The following CMIP variants were observed in gnomAD, a reference collection of about 807,000 sequenced individuals.
The protein encoded by CMIP is C-Maf-inducing protein.
CMIP carries 13 observed loss-of-function variants against 97.3 expected under a neutral mutation model. The ratio of observed to expected loss-of-function variants is 0.13; its 90% CI spans 0.09 to 0.21. CMIP has a LOEUF of 0.21. Ranked by LOEUF, CMIP falls within the 10% of genes least tolerant of loss-of-function variation. The pLI is 1.00. For missense variants in CMIP, 847 were observed against 1,024.9 expected, an observed-to-expected ratio of 0.83 and a Z score of 2.37; for synonymous variants, 538 against 436.3, an observed-to-expected ratio of 1.23 and a Z score of -2.91.
chr16:81,570,354 G>C (rs1256748427), intron 1 of CMIP, among the ~76,000 whole-genome samples: 1 of 152,184 alleles, frequency 6.6e-6, no homozygotes, highest in Admixed American at 6.5e-5. Flanking sequence ...GATGGCTGTC[G>C]TGGGGCCAGT....
intron 1 of CMIP, among the ~76,000 whole-genome samples, chr16:81,529,168 G>A (rs963906439): frequency 1.3e-5 from 2 of 152,234 alleles, no homozygotes; most frequent in Admixed American, 1.3e-4. Context: ...GGGAAGAAGA[G>A]AGAGGTCTCT....
chr16:81,548,148 T>A (rs2150850684), intron 1 of CMIP, among the ~76,000 whole-genome samples: 1 of 150,754 alleles, frequency 6.6e-6, no homozygotes, highest in Admixed American at 6.6e-5. Flanking sequence ...TTTTTTTTTT[T>A]TTTGAGACAG....
At chr16:81,654,233 T>TATA (rs1209818119) in intron 4 of CMIP, among the ~76,000 whole-genome samples, 25 of 151,284 alleles carry the variant, frequency 1.7e-4, no homozygotes, top group African/African-American at 6.1e-4. Context: ...CCTTGGGCTT[T>TATA]ATTATTATTA....
intron 1 of CMIP, among the ~76,000 whole-genome samples, chr16:81,565,762 G>A (rs2966116): frequency 0.77 from 117,717 of 152,086 alleles, 46,028 homozygotes; most frequent in Non-Finnish European, 0.84. Flanking sequence ...TGACTCATTC[G>A]TGCTGTCATT....
intron 3 of CMIP, chr16:81,630,146 C>G (rs1217090009): frequency 6.6e-6 from 1 of 152,238 alleles, no homozygotes; most frequent in African/African-American, 2.4e-5. Flanking sequence ...AAACCAAGCT[C>G]ACCAGTTTCT....
chr16:81,510,606 A>G (rs2089792387), intron 1 of CMIP, among the ~76,000 whole-genome samples: 1 of 152,170 alleles, frequency 6.6e-6, no homozygotes, highest in East Asian at 1.9e-4. Flanking sequence ...TCTTTTCAAA[A>G]TTACACTTCA....
intron 1 of CMIP, among the ~76,000 whole-genome samples, chr16:81,452,256 A>G (rs1490319877): frequency 6.6e-6 from 1 of 152,202 alleles, no homozygotes; most frequent in Non-Finnish European, 1.5e-5. Context: ...CTGCCTCTGC[A>G]GTGTCCCAGG....
intron 1 of CMIP, among the ~76,000 whole-genome samples, chr16:81,484,490 AT>A (rs2089284627): frequency 6.6e-6 from 1 of 152,124 alleles, no homozygotes; most frequent in Non-Finnish European, 1.5e-5. Flanking sequence ...GTGGAGAACG[AT>A]CACCTGGCTG....
chr16:81,703,032 G>A (rs754864368), intron 17 of CMIP, among the ~76,000 whole-genome samples: 18 of 151,964 alleles, frequency 1.2e-4, no homozygotes, highest in Non-Finnish European at 1.6e-4. Flanking sequence ...CTTACCATTC[G>A]CATTTCACAA....
At chr16:81,531,800 G>A (rs897712178) in intron 1 of CMIP, among the ~76,000 whole-genome samples, 1 of 152,224 alleles carries the variant, frequency 6.6e-6, no homozygotes, top group Non-Finnish European at 1.5e-5. Context: ...CAGGAAGGGG[G>A]AAACAGAAGA....
intron 1 of CMIP, among the ~76,000 whole-genome samples, chr16:81,502,903 C>G (rs984420022): frequency 1.3e-5 from 2 of 152,218 alleles, no homozygotes; most frequent in Non-Finnish European, 2.9e-5. Context: ...ACTGCTGTCC[C>G]TGCAATGCCG....
intron 10 of CMIP, among the ~76,000 whole-genome samples, chr16:81,679,778 C>G (rs1904681010): frequency 6.6e-6 from 1 of 152,056 alleles, no homozygotes; most frequent in South Asian, 2.1e-4. Flanking sequence ...CCCTAAGGGT[C>G]TCTCCAGCCT....
chr16:81,599,349 C>T (rs2091619450), intron 1 of CMIP, among the ~76,000 whole-genome samples: 1 of 152,336 alleles, frequency 6.6e-6, no homozygotes, highest in South Asian at 2.1e-4. Context: ...ATATCGTTAC[C>T]TGCCACTTTG....
chr16:81,614,005 A>G lies in CMIP; in HGVS notation c.426+6313A>G, dbSNP rs2091872655. 1.3e-5 allele frequency among the ~76,000 whole-genome samples: 2 copies of G among 152,164 alleles called. No homozygotes were observed. The highest frequency in any genetic ancestry group is 2.9e-5 in the Non-Finnish European group (2 of 68,034). On this transcript the variant is annotated intron_variant, in intron 2 of 20. Transcript: ENST00000537098. This position sits in a 1 kb window ranked among gnomAD's most constrained non-coding sequence, Gnocchi z 5.3. ...AGAGCCCATAGCCTGCAGAAGAAGG[A>G]CAACTAGACAGGCGATTCCAGGACA...
intron 3 of CMIP, among the ~76,000 whole-genome samples, chr16:81,628,366 C>T (rs1413676574): frequency 6.6e-6 from 1 of 152,190 alleles, no homozygotes; most frequent in Non-Finnish European, 1.5e-5. Flanking sequence ...CCAGTTGCAC[C>T]CCAAGGCCTT....
At chr16:81,469,021 G>C (rs1907371288) in intron 1 of CMIP, among the ~76,000 whole-genome samples, 1 of 152,204 alleles carries the variant, frequency 6.6e-6, no homozygotes, top group Admixed American at 6.5e-5. Flanking sequence ...ACTCCGCTTT[G>C]AGAGGACCTA....
At chr16:81,569,961 A>G (rs549227390) in intron 1 of CMIP, among the ~76,000 whole-genome samples, 1 of 152,190 alleles carries the variant, frequency 6.6e-6, no homozygotes, top group African/African-American at 2.4e-5. Context: ...TCATTCATTC[A>G]TTCATTCATT....
rs1237248186 is a variant in CMIP, at chr16:81,620,939, T to G, written c.477+13T>G. 1.2e-6 allele frequency: 2 copies of G among 1,613,836 alleles called. No individual in the cohort carries two copies. On this transcript the variant is annotated intron_variant, in intron 3 of 20. Transcript: ENST00000537098. Reference sequence around the variant, plus strand: ...TCTGCAATGGAAGGTAAGTACTGACTCGGTTGCTTGTTTAAAGCGACTCAG... The same window carrying G: ...TCTGCAATGGAAGGTAAGTACTGACGCGGTTGCTTGTTTAAAGCGACTCAG...
intron 1 of CMIP, among the ~76,000 whole-genome samples, chr16:81,475,473 T>C (rs761170838): frequency 2.0e-5 from 3 of 151,292 alleles, no homozygotes; most frequent in Admixed American, 1.3e-4. Flanking sequence ...TATAGAACAC[T>C]CCATAATGTT....
Sources: allele counts gnomAD v4.1 joint callset (sites outside exome capture counted in the v4.1 genomes callset), GRCh38; gene constraint gnomAD v4.1.1; non-coding constraint Gnocchi (gnomAD v3.1); transcripts MANE v1.5; gene names NCBI Gene and HGNC (gene_info 2026-07-23, HGNC 2026-07-21).